The following ERC1 variants were observed in gnomAD, a reference collection of about 807,000 sequenced individuals.
The protein encoded by ERC1 is RAB6 interacting protein 2.
ERC1 carries 56 observed loss-of-function variants against 132.0 expected under a neutral mutation model. The observed-to-expected ratio is 0.42, with a 90% CI of 0.34 to 0.53. ERC1 has a LOEUF of 0.53. Among genes scored for constraint, ERC1 ranks in the 20% least tolerant of loss-of-function variants. ERC1 has a pLI of 0.03. For missense variants in ERC1, 1,202 were observed against 1,349.9 expected, an observed-to-expected ratio of 0.89 and a Z score of 1.72; for synonymous variants, 478 against 476.1, an observed-to-expected ratio of 1.00 and a Z score of -0.05.
At chr12:1,158,233 A>G (rs1018968392) in intron 8 of ERC1, among the ~76,000 whole-genome samples, 8 of 152,004 alleles carry the variant, frequency 5.3e-5, no homozygotes, top group Non-Finnish European at 1.2e-4. Context: ...CCCCTTCTTG[A>G]TTTTAGTTGG....
chr12:1,167,055 T>C (rs1443357167), intron 8 of ERC1, among the ~76,000 whole-genome samples: 1 of 152,208 alleles, frequency 6.6e-6, no homozygotes, highest in Non-Finnish European at 1.5e-5. Flanking sequence ...ATTAATGTTC[T>C]CAGAGTCTTG....
intron 1 of ERC1, among the ~76,000 whole-genome samples, chr12:992,351 G>C (rs1365466425): frequency 6.6e-6 from 1 of 152,170 alleles, no homozygotes; most frequent in Non-Finnish European, 1.5e-5. Context: ...AGTTCTGTTG[G>C]AGCTAATTAT....
intron 14 of ERC1, among the ~76,000 whole-genome samples, chr12:1,275,826 T>C (rs1396644058): frequency 4.6e-5 from 7 of 152,180 alleles, no homozygotes; most frequent in Non-Finnish European, 8.8e-5. Flanking sequence ...CCGCATCTGC[T>C]TCTGGTGAGG....
At chr12:1,350,277 A>G (rs1483010850) in intron 15 of ERC1, among the ~76,000 whole-genome samples, 1 of 152,222 alleles carries the variant, frequency 6.6e-6, no homozygotes, top group African/African-American at 2.4e-5. Context: ...GGAGGCCAGC[A>G]CTGAGACACA....
At chr12:1,350,536 G>A (rs1023242723) in intron 15 of ERC1, among the ~76,000 whole-genome samples, 3 of 152,120 alleles carry the variant, frequency 2.0e-5, no homozygotes, top group African/African-American at 7.2e-5. Context: ...AGCCACACAT[G>A]GTCTATGGGA....
At chr12:1,099,421 A>G (rs1408288700) in intron 3 of ERC1, among the ~76,000 whole-genome samples, 1 of 151,030 alleles carries the variant, frequency 6.6e-6, no homozygotes, top group Non-Finnish European at 1.5e-5. Context: ...CTCCCTTTTT[A>G]TGGTTGCACT....
chr12:1,442,914 T>A (rs1011078819), intron 17 of ERC1, among the ~76,000 whole-genome samples: 17 of 152,208 alleles, frequency 1.1e-4, no homozygotes, highest in African/African-American at 3.4e-4. Flanking sequence ...TTTTTTATTT[T>A]TTTTTATTTT....
intron 15 of ERC1, among the ~76,000 whole-genome samples, chr12:1,303,366 G>A (rs902564514): frequency 5.3e-5 from 8 of 152,184 alleles, no homozygotes; most frequent in Non-Finnish European, 7.3e-5. Context: ...GCCGGGCGCC[G>A]TGGCTCACGC....
intron 14 of ERC1, among the ~76,000 whole-genome samples, chr12:1,284,267 T>C (rs2078892459): frequency 1.8e-5 from 1 of 55,662 alleles, no homozygotes; most frequent in African/African-American, 9.2e-5. Flanking sequence ...ATAGTATTCG[T>C]GTGTGTGTGT....
chr12:1,428,941 T>C (rs2092716208), intron 17 of ERC1, among the ~76,000 whole-genome samples: 1 of 152,162 alleles, frequency 6.6e-6, no homozygotes, highest in South Asian at 2.1e-4. Flanking sequence ...GCACACTTGA[T>C]TGAGGGGTAG....
intron 15 of ERC1, among the ~76,000 whole-genome samples, chr12:1,308,245 T>C (rs2081032152): frequency 6.6e-6 from 1 of 152,018 alleles, no homozygotes; most frequent in Non-Finnish European, 1.5e-5. Flanking sequence ...GCATGAATGG[T>C]AGCAGTTACT....
At chr12:995,383 G>C (rs1701904902) in intron 1 of ERC1, among the ~76,000 whole-genome samples, 2 of 152,198 alleles carry the variant, frequency 1.3e-5, no homozygotes, top group Admixed American at 1.3e-4. Flanking sequence ...TATGTATTTT[G>C]AGGGTAGACC....
chr12:1,167,675 T>A (rs1450185998), intron 8 of ERC1, among the ~76,000 whole-genome samples: 1 of 151,928 alleles, frequency 6.6e-6, no homozygotes, highest in Non-Finnish European at 1.5e-5. Context: ...CAGAGAAAAA[T>A]TTGCAAAATT....
At chr12:1,484,956 C>T (rs1195025004) in intron 18 of ERC1, among the ~76,000 whole-genome samples, 1 of 151,716 alleles carries the variant, frequency 6.6e-6, no homozygotes, top group Non-Finnish European at 1.5e-5. Context: ...TCACATAGCT[C>T]ATTGCAGCCT....
At chr12:1,142,208 A>AT (rs1254536746) in intron 8 of ERC1, among the ~76,000 whole-genome samples, 1 of 152,190 alleles carries the variant, frequency 6.6e-6, no homozygotes, top group Admixed American at 6.5e-5. Flanking sequence ...CACATAATTC[A>AT]TATATGAGCA....
At chr12:1,079,666 G>A (rs1468904457) in intron 2 of ERC1, among the ~76,000 whole-genome samples, 1 of 109,260 alleles carries the variant, frequency 9.2e-6, no homozygotes, top group African/African-American at 3.2e-5. Context: ...GACAAAAGTC[G>A]ATATACAGAG....
At chr12:1,384,184 T>C (rs7299789) in intron 16 of ERC1, among the ~76,000 whole-genome samples, 2,714 of 152,336 alleles carry the variant, frequency 0.018, 86 homozygotes, top group African/African-American at 0.063. Flanking sequence ...AGTGAAAATA[T>C]ATACATTACT....
At chr12:1,015,585 G>C (rs112911961) in intron 1 of ERC1, among the ~76,000 whole-genome samples, 1 of 152,254 alleles carries the variant, frequency 6.6e-6, no homozygotes, top group South Asian at 2.1e-4. Flanking sequence ...TTTTTAAAGT[G>C]AAACTTCTAG....
intron 7 of ERC1, among the ~76,000 whole-genome samples, chr12:1,129,558 ATACAT>A (rs1948553900): frequency 1.3e-5 from 2 of 152,168 alleles, no homozygotes; most frequent in Admixed American, 1.3e-4. Context: ...GGGAGAAAAA[ATACAT>A]TACGTGTAAA....
Sources: gnomAD v4.1 joint callset for allele counts (sites outside exome capture counted in the v4.1 genomes callset) on GRCh38, gnomAD v4.1.1 for gene constraint, MANE v1.5 for transcripts, NCBI Gene and HGNC (gene_info 2026-07-23, HGNC 2026-07-21) for gene names.